ELOA: variants seen among roughly 807,000 people sequenced by gnomAD.
ELOA encodes the protein elongin-A.
A neutral mutation model predicts 85.2 loss-of-function variants in ELOA; 15 were observed. That is an observed-to-expected ratio of 0.18 (90% confidence interval 0.12 to 0.27). The LOEUF (loss-of-function observed/expected upper bound fraction) is 0.27. Ranked by LOEUF, ELOA falls within the 10% of genes least tolerant of loss-of-function variation. The pLI, the probability that ELOA is intolerant of heterozygous loss-of-function variation, is 1.00. For synonymous variants in ELOA, 348 were observed against 357.2 expected (o/e 0.97, Z 0.29); for missense variants, 769 against 952.7 (o/e 0.81, Z 2.54).
intron 10 of ELOA, 22 bp from the exon 11 acceptor site, chr1:23,759,490 T>C (rs756834072): frequency 1.2e-6 from 2 of 1,614,144 alleles, no homozygotes; most frequent in Non-Finnish European, 1.7e-6. Context: ...CTGAGACAGC[T>C]GCCTTGTTTC....
chr1:23,750,130 A>G (rs542544141), intron 3 of ELOA, among the ~76,000 whole-genome samples, 182 bp downstream of exon 3: 27 of 151,088 alleles, frequency 1.8e-4, no homozygotes, highest in Non-Finnish European at 3.5e-4. Flanking sequence ...TCCTATTTCT[A>G]TCACGCAAAG....
intron 5 of ELOA, 115 bp downstream of exon 5, chr1:23,752,633 G>A: frequency 2.7e-6 from 3 of 1,116,574 alleles, no homozygotes; most frequent in South Asian, 3.0e-5. Context: ...GAGGTAAGAG[G>A]ATTGCTTGCG....
rs752949233 is a variant in ELOA, at chr1:23,754,414, A to T, written c.1745A>T (p.Glu582Val). Reference sequence around the variant, plus strand: ...TACTCTGTTCTTGAACCCGTTTTGGAGAGGTGTACACCTGATCAGCTGTAT... The same window carrying T: ...TACTCTGTTCTTGAACCCGTTTTGGTGAGGTGTACACCTGATCAGCTGTAT... ...VPYSVLEPVL[E>V]RCTPDQLYRI... The change falls in exon 7 of 11, where the codon GAG becomes GTG. Residue 582 changes from glutamate (E) to valine (V), a missense_variant. Coordinates refer to ENST00000613537, the MANE Select transcript of ELOA (RefSeq NM_003198.3). 4 of 1,614,152 alleles carry T rather than the reference A, an allele frequency of 2.5e-6. No homozygotes were observed. In the East Asian group the frequency reaches 8.9e-5, roughly 36 times the overall value.
intron 1 of ELOA, among the ~76,000 whole-genome samples, chr1:23,747,803 C>A (rs954358327): frequency 6.6e-6 from 1 of 152,124 alleles, no homozygotes; most frequent in African/African-American, 2.4e-5. Flanking sequence ...GTCTGGTGAC[C>A]ATGTTAAGTA....
rs200959151 is a variant in ELOA at position 23,756,999 on chromosome 1, A to C, written c.2131A>C (p.Ser711Arg). 6.3e-6 allele frequency: 10 copies of C among 1,598,146 alleles called. No homozygotes were observed. Among genetic ancestry groups the C allele is most frequent in the Admixed American group, 1.8e-5 (1 of 55,540 alleles). ...CATGGGAAGCAGCCATGCTTCCGCC[A>C]GTAGCATCAGCTTTAACCCCAGCCC... ...YPMGSSHASA[S>R]SISFNPSPEE... The change falls in exon 10 of 11, where the codon AGT becomes CGT. Residue 711 changes from serine (S) to arginine (R), a missense_variant. Ser to Arg is a moderately radical substitution (Grantham distance 110, BLOSUM62 -1). This residue lies in a region of ELOA where 116 missense variants were observed against 141.0 expected (regional missense o/e 0.82). Coordinates refer to ENST00000613537, the MANE Select transcript of ELOA (RefSeq NM_003198.3).
intron 7 of ELOA, 90 bp downstream of exon 7, chr1:23,754,550 G>GGGCA: frequency 9.9e-7 from 1 of 1,009,110 alleles, no homozygotes; most frequent in Non-Finnish European, 1.5e-6. Context: ...TGTGGCTGAA[G>GGGCA]GGCAGATCAG....
rs756926181 is a variant in ELOA, at chr1:23,757,071, G to A, written c.2203G>A (p.Ala735Thr). ...DGPSTSSAHLAPVVSSTVSYD... is the reference protein window; with the variant it reads ...DGPSTSSAHLTPVVSSTVSYD... ...CCCAAGCACCAGCAGTGCCCACTTGGCACCAGTGGTCAGCAGCACTGTTTC... is the reference window on the plus strand; with the variant it reads ...CCCAAGCACCAGCAGTGCCCACTTGACACCAGTGGTCAGCAGCACTGTTTC... Residue 735 changes from alanine (A) to threonine (T), a missense_variant, in exon 10 of 11, where the codon GCA (alanine) becomes ACA (threonine). Coordinates refer to ENST00000613537, the MANE Select transcript of ELOA (RefSeq NM_003198.3). 3 of 1,609,472 alleles carry A rather than the reference G, an allele frequency of 1.9e-6. No homozygotes were observed. Among genetic ancestry groups the A allele is most frequent in the African/African-American group, 1.3e-5 (1 of 74,656 alleles).
At chr1:23,754,605 T>G in intron 7 of ELOA, 145 bp downstream of exon 7, 2 of 670,974 alleles carry the variant, frequency 3.0e-6, no homozygotes, top group Middle Eastern at 4.2e-4. Flanking sequence ...CCACTGGGCC[T>G]TTAAACAAGC....
intron 1 of ELOA, 142 bp downstream of exon 1, chr1:23,743,720 A>T: frequency 9.4e-7 from 1 of 1,060,858 alleles, no homozygotes; most frequent in Non-Finnish European, 1.2e-6. Flanking sequence ...GTTCGCGGCC[A>T]TTGACCGCTG....
At chr1:23,758,608 C>T (rs938780140) in intron 10 of ELOA, among the ~76,000 whole-genome samples, 11 of 147,840 alleles carry the variant, frequency 7.4e-5, no homozygotes, top group South Asian at 2.2e-4. Context: ...TATCTAGTTG[C>T]GTCTATTTTG....
intron 10 of ELOA, among the ~76,000 whole-genome samples, chr1:23,758,125 A>G (rs1037697271): frequency 6.6e-6 from 1 of 151,896 alleles, no homozygotes; most frequent in African/African-American, 2.4e-5. Flanking sequence ...TCTCTAGGCA[A>G]TACCACAGTG....
chr1:23,757,114 C>A lies in ELOA; in HGVS notation c.2246C>A (p.Pro749His). The A allele has an allele frequency of 3.8e-6, 6 of 1,558,612 alleles. No homozygotes were observed. The highest frequency in any genetic ancestry group is 5.2e-6 in the Non-Finnish European group (6 of 1,158,090). ...ACTGTTTCCTATGATCCTAGGAAAC[C>A]CACTGTGAAGAGTAAGTAACTTGGA... The part of the protein sequence containing the change: ...SSTVSYDPRK[P>H]TVKKIAPMMA... Residue 749 changes from proline (P) to histidine (H), a missense_variant, in exon 10 of 11, where the codon CCC becomes CAC. Transcript: ENST00000613537.
Position 23,751,529 on chromosome 1 carries a change from C to T in ELOA, c.924C>T (p.Ser308=), listed in dbSNP as rs1266148437. Residue 308 remains serine (S), a synonymous_variant, in exon 4 of 11, where the codon AGC becomes AGT. Coordinates refer to ENST00000613537, the MANE Select transcript of ELOA (RefSeq NM_003198.3). ...VKKEKDREGS[S]LKKKCLPPSE... ...AAGAGAAGGACAGAGAGGGCAGCAG[C>T]CTGAAGAAGAAGTGTTTGCCTCCCT... The T allele has an allele frequency of 6.2e-7, 1 of 1,613,968 alleles. No homozygotes were observed. The highest frequency in any genetic ancestry group is 8.5e-7 in the Non-Finnish European group (1 of 1,180,036).
rs546750055 is a variant in ELOA at position 23,747,201 on chromosome 1, A to C, written c.76-1820A>C. 5.9e-5 allele frequency among the ~76,000 whole-genome samples: 9 copies of C among 152,268 alleles called. No homozygotes were observed. The South Asian group carries it at 1.9e-3, about 32-fold the overall frequency. On this transcript the variant is annotated intron_variant, in intron 1 of 10. Coordinates refer to ENST00000613537, the MANE Select transcript of ELOA (RefSeq NM_003198.3). ...TATGTGGGTTCTGAACTGTCTAATG[A>C]CATCACAGGAGGAGTTTTTCTGCTT... is the stretch of plus-strand genomic sequence containing the variant.
chr1:23,745,694 A>G (rs916732412), intron 1 of ELOA, among the ~76,000 whole-genome samples: 7 of 152,176 alleles, frequency 4.6e-5, no homozygotes, highest in African/African-American at 1.4e-4. Flanking sequence ...GCAAGCTGTC[A>G]TGTTGGCCTT....
rs370491437 is a variant in ELOA, at chr1:23,751,367, C to T, written c.762C>T (p.Pro254=). 99 of 1,614,188 alleles carry T rather than the reference C, an allele frequency of 6.1e-5. No individual in the cohort carries two copies. In the African/African-American group the frequency reaches 6.7e-4, roughly 11 times the overall value. Residue 254 remains proline, a synonymous_variant, in exon 4 of 11, where the codon CCC becomes CCT. Transcript: ENST00000613537. ...EHKSSHKDKR[P]VDAKSDEKAS... ...AATCTTCCCACAAGGACAAACGCCCCGTGGATGCCAAGAGTGATGAGAAGG... is the reference window on the plus strand; with the variant it reads ...AATCTTCCCACAAGGACAAACGCCCTGTGGATGCCAAGAGTGATGAGAAGG...
chr1:23,747,249 A>G (rs946812025), intron 1 of ELOA, among the ~76,000 whole-genome samples: 8 of 152,230 alleles, frequency 5.3e-5, no homozygotes, highest in African/African-American at 1.4e-4. Flanking sequence ...GCTAAGAAGT[A>G]TATGTGCTGC....
chr1:23,751,471 C>T lies in ELOA; in HGVS notation c.866C>T (p.Ala289Val). The part of the protein sequence containing the change: ...ENRRPPSGDN[A>V]REKPPSSGVK... ...CGAAGGCCACCCTCAGGGGACAATG[C>T]AAGGGAGAAACCGCCCTCTAGTGGC... Residue 289 changes from alanine to valine, a missense_variant, in exon 4 of 11, where the codon GCA becomes GTA. Ala to Val is a moderately conservative substitution (Grantham distance 64). Transcript: ENST00000613537. 2 of 1,614,028 alleles carry T rather than the reference C, an allele frequency of 1.2e-6. No homozygotes were observed. Among genetic ancestry groups the T allele is most frequent in the South Asian group, 2.2e-5 (2 of 91,078 alleles).
chr1:23,749,653 C>T (rs1338254403), intron 2 of ELOA, among the ~76,000 whole-genome samples, 189 bp from the exon 3 acceptor site: 2 of 152,198 alleles, frequency 1.3e-5, no homozygotes, highest in East Asian at 1.9e-4. Flanking sequence ...GAACTTGGTA[C>T]GCTTTGCTAC....
Sources: gnomAD v4.1 joint callset for allele counts (sites outside exome capture counted in the v4.1 genomes callset) on GRCh38, gnomAD v4.1.1 for gene constraint, gnomAD v4.1.1 regional missense constraint, MANE v1.5 for transcripts, NCBI Gene and HGNC (gene_info 2026-07-23, HGNC 2026-07-21) for gene names.